KCTD16: variants seen among roughly 807,000 people sequenced by gnomAD.
KCTD16 encodes the protein potassium channel tetramerization domain containing 16, also known as BTB/POZ domain-containing protein KCTD16.
KCTD16 carries 13 observed loss-of-function variants against 33.2 expected under a neutral mutation model. The observed-to-expected ratio is 0.39, with a 90% confidence interval of 0.25 to 0.62. The LOEUF (loss-of-function observed/expected upper bound fraction) is 0.62, where lower values mean the gene tolerates loss of function less well. KCTD16 is among the 20% of genes least tolerant of loss of function. The pLI, the probability that KCTD16 is intolerant of heterozygous loss-of-function variation, is 0.50. For missense variants in KCTD16, 441 were observed against 525.1 expected (o/e 0.84, Z 1.57); for synonymous variants, 197 against 195.3 (o/e 1.01, Z -0.07).
At chr5:144,366,791 A>G (rs1346348906) in intron 3 of KCTD16, among the ~76,000 whole-genome samples, 2 of 152,170 alleles carry the variant, frequency 1.3e-5, no homozygotes, top group African/African-American at 4.8e-5. Flanking sequence ...GCTACTCAAC[A>G]AAAGTCGGTG....
chr5:144,409,014 T>C (rs1752874938), intron 3 of KCTD16, among the ~76,000 whole-genome samples: 1 of 152,158 alleles, frequency 6.6e-6, no homozygotes, highest in South Asian at 2.1e-4. Flanking sequence ...TCTTCCCTCA[T>C]GAGAATAAAT....
intron 3 of KCTD16, among the ~76,000 whole-genome samples, chr5:144,348,190 C>T (rs1286693523): frequency 1.3e-5 from 2 of 152,220 alleles, no homozygotes; most frequent in Non-Finnish European, 2.9e-5. Flanking sequence ...GCAGACTCTT[C>T]TCCCTTCAGC....
intron 3 of KCTD16, among the ~76,000 whole-genome samples, chr5:144,437,214 G>A (rs1165439556): frequency 2.0e-5 from 3 of 152,080 alleles, no homozygotes. Context: ...TCTCCCTCAG[G>A]TGTGAATTTC....
rs75594077 is a variant in KCTD16 at position 144,388,435 on chromosome 5, T to A, written c.833-85225T>A. Among the ~76,000 whole-genome samples the A allele has an allele frequency of 1.2e-3, 187 of 152,302 alleles. 1 individual carries two copies. Among genetic ancestry groups the A allele is most frequent in the African/African-American group, 4.4e-3 (181 of 41,564 alleles). On this transcript the variant is annotated intron_variant, in intron 3 of 3. Coordinates refer to ENST00000512467, the MANE Select transcript of KCTD16 (RefSeq NM_020768.4). ...TATATTGCTTTTCTTTTATTACCAA[T>A]CTTTACGTTTTCCTTTATTAATTAA...
chr5:144,206,440 G>A lies in KCTD16; in HGVS notation c.-275G>A, dbSNP rs1753173489. ...GGCCTGCCTTGCATGTGAGCTTGAT[G>A]GAAGATTGGATATAGACGAGTTGAT... On this transcript the variant is annotated 5_prime_UTR_variant, in exon 3 of 4. The change abolishes an upstream ATG in the 5' untranslated region. Transcript: ENST00000512467. 5.8e-6 allele frequency: 2 copies of A among 343,900 alleles called. No individual in the cohort carries two copies. Among genetic ancestry groups the A allele is most frequent in the Admixed American group, 8.7e-5 (2 of 23,004 alleles). The allele number at this position is 343,900 out of a possible 1,614,324, so 21.3% of individuals were successfully genotyped here. A position where few individuals can be genotyped will look rare whatever the true frequency, so the allele number is the denominator to read the frequency against.
intron 3 of KCTD16, among the ~76,000 whole-genome samples, chr5:144,390,673 C>G (rs1752428680): frequency 6.6e-6 from 1 of 152,088 alleles, no homozygotes; most frequent in African/African-American, 2.4e-5. Flanking sequence ...GCTATCCCTC[C>G]CCTTGCCCCC....
chr5:144,179,246 C>T (rs920318525), intron 2 of KCTD16, among the ~76,000 whole-genome samples: 4 of 152,158 alleles, frequency 2.6e-5, no homozygotes, highest in African/African-American at 9.7e-5. Context: ...AGAAAAGTCT[C>T]CCCACCAGGC....
At chr5:144,461,205 T>C (rs1004108718) in intron 3 of KCTD16, among the ~76,000 whole-genome samples, 6 of 152,160 alleles carry the variant, frequency 3.9e-5, no homozygotes, top group Non-Finnish European at 8.8e-5. Flanking sequence ...CAAAGAATTA[T>C]TGAACAAAGG....
intron 3 of KCTD16, among the ~76,000 whole-genome samples, chr5:144,469,702 G>A (rs1754427004): frequency 1.3e-5 from 2 of 151,924 alleles, no homozygotes; most frequent in Non-Finnish European, 2.9e-5. Context: ...GGTCTCATAG[G>A]TGACAAATTG....
At chr5:144,435,501 C>T (rs1364683775) in intron 3 of KCTD16, among the ~76,000 whole-genome samples, 3 of 152,292 alleles carry the variant, frequency 2.0e-5, no homozygotes, top group East Asian at 1.9e-4. Context: ...TGTGAACATA[C>T]TGTAAGTATC....
chr5:144,414,344 A>G (rs1753000346), intron 3 of KCTD16, among the ~76,000 whole-genome samples: 1 of 152,196 alleles, frequency 6.6e-6, no homozygotes. Flanking sequence ...ATGGCAACTG[A>G]TGACATTTTT....
intron 3 of KCTD16, among the ~76,000 whole-genome samples, chr5:144,303,743 A>G (rs998990457): frequency 1.3e-5 from 2 of 152,180 alleles, no homozygotes; most frequent in African/African-American, 2.4e-5. Context: ...CAGGCTCTCC[A>G]GTAAGTGGCT....
At chr5:144,413,399 G>T (rs1447975305) in intron 3 of KCTD16, among the ~76,000 whole-genome samples, 4 of 152,172 alleles carry the variant, frequency 2.6e-5, no homozygotes, top group Admixed American at 2.6e-4. Flanking sequence ...TTTTATGGCT[G>T]CCCTAGCAAA....
At chr5:144,192,962 G>T (rs761091527) in intron 2 of KCTD16, among the ~76,000 whole-genome samples, 1 of 152,286 alleles carries the variant, frequency 6.6e-6, no homozygotes, top group East Asian at 1.9e-4. Context: ...TTAGCTTTGT[G>T]TCAAATGAAC....
chr5:144,185,410 G>C (rs1249696821), intron 2 of KCTD16, among the ~76,000 whole-genome samples: 4 of 152,190 alleles, frequency 2.6e-5, no homozygotes, highest in African/African-American at 9.7e-5. Flanking sequence ...GCTAGCTTCA[G>C]ATTTGTTTGA....
intron 3 of KCTD16, among the ~76,000 whole-genome samples, chr5:144,290,858 T>G (rs1755877929): frequency 6.6e-6 from 1 of 152,236 alleles, no homozygotes; most frequent in African/African-American, 2.4e-5. Context: ...TATCTTTCTA[T>G]ATGTAGTTAT....
rs1228601096 is a variant in KCTD16 at position 144,481,194 on chromosome 5, T to C, written c.*7080T>C. 2.6e-5 allele frequency: 4 copies of C among 151,948 alleles called. No homozygotes were observed. The highest frequency in any genetic ancestry group is 5.9e-5 in the Non-Finnish European group (4 of 67,922). The allele number at this position is 151,948 out of a possible 1,614,324, so 9.4% of individuals were successfully genotyped here. Reference sequence around the variant, plus strand: ...TGTTGTGAAGCACTCTGGGATCCTTTTCAGTTTACATGATCCTGTTAAAGA... The same window carrying C: ...TGTTGTGAAGCACTCTGGGATCCTTCTCAGTTTACATGATCCTGTTAAAGA... On this transcript the variant is annotated 3_prime_UTR_variant, in exon 4 of 4. Coordinates refer to ENST00000512467, the MANE Select transcript of KCTD16 (RefSeq NM_020768.4).
At chr5:144,304,854 A>T (rs899834648) in intron 3 of KCTD16, among the ~76,000 whole-genome samples, 2 of 152,244 alleles carry the variant, frequency 1.3e-5, no homozygotes, top group Admixed American at 6.5e-5. Flanking sequence ...CATCCTTCTC[A>T]TTAGCACCAC....
intron 3 of KCTD16, among the ~76,000 whole-genome samples, chr5:144,419,681 C>T (rs978418902): frequency 2.0e-5 from 3 of 152,126 alleles, no homozygotes; most frequent in African/African-American, 7.2e-5. Context: ...TACTTTTCTG[C>T]AGAAGTGGAA....
Sources: allele counts gnomAD v4.1 joint callset (sites outside exome capture counted in the v4.1 genomes callset), GRCh38; gene constraint gnomAD v4.1.1; transcripts MANE v1.5; gene names NCBI Gene and HGNC (gene_info 2026-07-23, HGNC 2026-07-21).